Variants in SMAP1 observed in about 807,000 individuals in gnomAD.
SMAP1 encodes the protein stromal membrane-associated protein 1.
In SMAP1, 24 loss-of-function variants were observed where a neutral mutation model predicts 58.5. The observed-to-expected ratio is 0.41, with a 90% CI of 0.30 to 0.58. SMAP1 has a LOEUF of 0.58. Among genes scored for constraint, SMAP1 ranks in the 20% least tolerant of loss-of-function variants. The pLI is 0.29. For synonymous variants in SMAP1, 216 were observed against 196.6 expected, an observed-to-expected ratio of 1.10 and a Z score of -0.82; for missense variants, 563 against 566.3, an observed-to-expected ratio of 0.99 and a Z score of 0.06.
intron 3 of SMAP1, among the ~76,000 whole-genome samples, chr6:70,759,404 G>A (rs1766654447): frequency 6.6e-6 from 1 of 152,036 alleles, no homozygotes. Context: ...GGTGTCCCTT[G>A]AATATAACAG....
intron 4 of SMAP1, among the ~76,000 whole-genome samples, chr6:70,773,861 G>A (rs984121070): frequency 6.6e-6 from 1 of 152,096 alleles, no homozygotes; most frequent in Non-Finnish European, 1.5e-5. Context: ...TTTGTTATTA[G>A]CAAGCATTTT....
At chr6:70,757,712 C>G (rs1766558422) in intron 3 of SMAP1, among the ~76,000 whole-genome samples, 1 of 152,084 alleles carries the variant, frequency 6.6e-6, no homozygotes, top group East Asian at 1.9e-4. Context: ...GGGCGAAGGA[C>G]ATGAACAGAC....
intron 6 of SMAP1, among the ~76,000 whole-genome samples, chr6:70,806,173 G>A (rs953621171): frequency 6.6e-6 from 1 of 152,176 alleles, no homozygotes; most frequent in Non-Finnish European, 1.5e-5. Flanking sequence ...CTAAGTTTGA[G>A]CTTCCCAGCC....
At chr6:70,772,405 C>A (rs1168163624) in intron 3 of SMAP1, among the ~76,000 whole-genome samples, 1 of 152,076 alleles carries the variant, frequency 6.6e-6, no homozygotes, top group African/African-American at 2.4e-5. Flanking sequence ...CTTGGGGGAT[C>A]CACAGAGATA....
At chr6:70,693,253 G>C (rs1161353025) in intron 1 of SMAP1, among the ~76,000 whole-genome samples, 2 of 146,388 alleles carry the variant, frequency 1.4e-5, no homozygotes, top group Non-Finnish European at 3.0e-5. Flanking sequence ...TGGGTCTTTT[G>C]TGGTTTCATG....
At chr6:70,845,155 A>G (rs1260301875) in intron 7 of SMAP1, among the ~76,000 whole-genome samples, 2 of 152,250 alleles carry the variant, frequency 1.3e-5, no homozygotes, top group Non-Finnish European at 2.9e-5. Context: ...AGTAATACAT[A>G]AAATCTCATG....
intron 1 of SMAP1, among the ~76,000 whole-genome samples, chr6:70,680,087 G>T (rs1316985125): frequency 1.3e-5 from 2 of 148,348 alleles, no homozygotes; most frequent in East Asian, 3.9e-4. Context: ...TCAATGGAGA[G>T]AAAGGATAGT....
At chr6:70,819,938 A>G (rs185033822) in intron 6 of SMAP1, among the ~76,000 whole-genome samples, 3 of 152,230 alleles carry the variant, frequency 2.0e-5, no homozygotes, top group Admixed American at 1.3e-4. Context: ...GTGAGATTCT[A>G]TTTCCTGCCC....
Position 70,804,701 on chromosome 6 carries a change from A to G in SMAP1, c.576+5964A>G, listed in dbSNP as rs941261493. ...TTGTAAGGCAGGCCTGGTGGTGACA[A>G]AATCTCTCAGCATTTGCTTGTCTGT... is the stretch of plus-strand genomic sequence containing the variant. On this transcript the variant is annotated intron_variant, in intron 6 of 10. Transcript: ENST00000370455. 7.9e-5 allele frequency among the ~76,000 whole-genome samples: 12 copies of G among 152,246 alleles called. No individual in the cohort carries two copies. The East Asian group carries it at 1.4e-3, about 17-fold the overall frequency.
intron 10 of SMAP1, chr6:70,859,370 T>G: frequency 6.5e-7 from 1 of 1,549,352 alleles, no homozygotes; most frequent in Non-Finnish European, 8.7e-7. Context: ...ACTCCATCAG[T>G]GCAATCTACT....
At position 70,808,580 on chromosome 6, in the gene SMAP1, C is replaced by A. The variant is rs1217126862; in HGVS notation, c.576+9843C>A. 2.0e-5 allele frequency among the ~76,000 whole-genome samples: 3 copies of A among 152,162 alleles called. No individual in the cohort carries two copies. The East Asian group carries it at 5.8e-4, about 29-fold the overall frequency. On this transcript the variant is annotated intron_variant, in intron 6 of 10. Coordinates refer to ENST00000370455, the MANE Select transcript of SMAP1 (RefSeq NM_001044305.3). ...AACTGTCCAGAGCCTCCTTTTCTTTCTTTATTAAGTGATAAGATTTGCCTC... is the reference window on the plus strand; with the variant it reads ...AACTGTCCAGAGCCTCCTTTTCTTTATTTATTAAGTGATAAGATTTGCCTC...
In SMAP1 at chr6:70,687,789, C is replaced by T. The variant is rs551113257; in HGVS notation, c.118+19648C>T. On this transcript the variant is annotated intron_variant, in intron 1 of 10. Transcript: ENST00000370455. ...CAACCCACCAATCTTACTGTGACTT[C>T]TGCAGTTTTGCTTGTACAGTAATTT... 3.3e-5 allele frequency among the ~76,000 whole-genome samples: 5 copies of T among 152,266 alleles called. No individual in the cohort carries two copies. In the East Asian group the frequency reaches 9.6e-4, roughly 29 times the overall value.
chr6:70,851,431 T>C (rs1162321411), intron 7 of SMAP1, among the ~76,000 whole-genome samples: 1 of 152,198 alleles, frequency 6.6e-6, no homozygotes, highest in Non-Finnish European at 1.5e-5. Flanking sequence ...CCATTCATTG[T>C]TGAAAAGGTT....
At position 70,756,915 on chromosome 6, in the gene SMAP1, A is replaced by G. The variant is rs528971489; in HGVS notation, c.338+1850A>G. Among the ~76,000 whole-genome samples the G allele has an allele frequency of 7.5e-4, 114 of 152,214 alleles. 1 individual carries two copies. The highest frequency in any genetic ancestry group is 1.3e-3 in the Non-Finnish European group (91 of 67,996). On this transcript the variant is annotated intron_variant, in intron 3 of 10. Coordinates refer to ENST00000370455, the MANE Select transcript of SMAP1 (RefSeq NM_001044305.3). ...CATTCCATGCTCATGGGTAGGAAGA[A>G]TCAATATCGTGAAAATGGCCATACT... is the stretch of plus-strand genomic sequence containing the variant.
chr6:70,860,677 A>G lies in SMAP1; in HGVS notation c.*343A>G. ...GGGAAGTAGTTATCATGTTAGTAAT[A>G]CCTCTAATAGTATAAACCCCACCCC... On this transcript the variant is annotated 3_prime_UTR_variant, in exon 11 of 11. Transcript: ENST00000370455. 1 of 415,244 alleles carries G rather than the reference A, an allele frequency of 2.4e-6. No individual in the cohort carries two copies. Among genetic ancestry groups the G allele is most frequent in the South Asian group, 9.9e-5 (1 of 10,108 alleles). The allele number at this position is 415,244 out of a possible 1,614,324, so 25.7% of individuals were successfully genotyped here. A position where few individuals can be genotyped will look rare whatever the true frequency, so the allele number is the denominator to read the frequency against.
intron 2 of SMAP1, among the ~76,000 whole-genome samples, chr6:70,740,479 CAAAA>C: frequency 6.8e-6 from 1 of 146,492 alleles, no homozygotes; most frequent in Non-Finnish European, 1.5e-5. Flanking sequence ...AAAAAAAAAA[CAAAA>C]AAAAAACCCA....
At chr6:70,790,957 T>C (rs1294834459) in intron 4 of SMAP1, among the ~76,000 whole-genome samples, 1 of 152,150 alleles carries the variant, frequency 6.6e-6, no homozygotes, top group Non-Finnish European at 1.5e-5. Context: ...ATGCAGAAAT[T>C]GGGCAGGAAG....
intron 4 of SMAP1, among the ~76,000 whole-genome samples, chr6:70,776,740 G>T (rs943761177): frequency 6.6e-6 from 1 of 152,136 alleles, no homozygotes; most frequent in African/African-American, 2.4e-5. Flanking sequence ...AGAACACGTG[G>T]CATTTATCCT....
At chr6:70,798,835 T>A (rs1237387068) in intron 6 of SMAP1, 98 bp downstream of exon 6, 17 of 971,636 alleles carry the variant, frequency 1.7e-5, no homozygotes, top group Non-Finnish European at 2.5e-5. Context: ...ATGTAAATAA[T>A]CATTATTTTC....
Sources: gnomAD v4.1 joint callset for allele counts (sites outside exome capture counted in the v4.1 genomes callset) on GRCh38, gnomAD v4.1.1 for gene constraint, MANE v1.5 for transcripts, NCBI Gene and HGNC (gene_info 2026-07-23, HGNC 2026-07-21) for gene names.